Variants in ANKRD44 observed in about 807,000 individuals in gnomAD.
ANKRD44 encodes the protein serine/threonine-protein phosphatase 6 regulatory ankyrin repeat subunit B.
Under a neutral mutation model 116.0 loss-of-function variants are expected in ANKRD44, and 35 were observed. The ratio of observed to expected loss-of-function variants is 0.30; its 90% CI spans 0.23 to 0.40. The LOEUF is 0.40. Among genes scored for constraint, ANKRD44 ranks in the 10% least tolerant of loss-of-function variants. The pLI is 1.00. For missense variants in ANKRD44, 1,014 were observed against 1,242.6 expected, an observed-to-expected ratio of 0.82 and a Z score of 2.77; for synonymous variants, 435 against 461.8, an observed-to-expected ratio of 0.94 and a Z score of 0.74.
At position 196,987,736 on chromosome 2, in the gene ANKRD44, ATAAG is replaced by A. The variant is rs1219739442; in HGVS notation, c.*1851_*1854del. The A allele has an allele frequency of 2.3e-5, 23 of 985,322 alleles. No individual in the cohort carries two copies. The highest frequency in any genetic ancestry group is 5.2e-4 in the Middle Eastern group (1 of 1,936). 61.0% of individuals were successfully genotyped at this position (985,322 alleles called of 1,614,324 possible). On this transcript the variant is annotated 3_prime_UTR_variant, in exon 28 of 28. Transcript: ENST00000282272. The stretch of plus-strand genomic sequence containing the variant: ...AGCAAAGACAGGCAGACACTGGCAA[ATAAG>A]TAAGTGCAATGAAACATGATCCTTG...
intron 1 of ANKRD44, among the ~76,000 whole-genome samples, chr2:197,293,250 C>T (rs1258593234): frequency 3.3e-5 from 5 of 152,216 alleles, no homozygotes; most frequent in Admixed American, 3.3e-4. Context: ...ACATCATTCA[C>T]TTATTCAATA....
intron 1 of ANKRD44, among the ~76,000 whole-genome samples, chr2:197,293,936 C>T (rs2083642904): frequency 6.6e-6 from 1 of 152,180 alleles, no homozygotes; most frequent in Non-Finnish European, 1.5e-5. Context: ...CTAAATATAA[C>T]TGCAGAAATG....
At chr2:197,147,141 A>C in intron 2 of ANKRD44, 36 bp from the exon 3 acceptor site, 1 of 1,591,170 alleles carries the variant, frequency 6.3e-7, no homozygotes, top group Non-Finnish European at 8.6e-7. Context: ...ACAACAGGTC[A>C]GTGGCAGCTG....
At chr2:197,140,953 T>G (rs1264075021) in intron 3 of ANKRD44, among the ~76,000 whole-genome samples, 1 of 152,188 alleles carries the variant, frequency 6.6e-6, no homozygotes, top group East Asian at 1.9e-4. Flanking sequence ...CGGTGGCTCA[T>G]GCCTGTAATC....
At chr2:197,191,894 A>C (rs2080832785) in intron 1 of ANKRD44, among the ~76,000 whole-genome samples, 1 of 152,088 alleles carries the variant, frequency 6.6e-6, no homozygotes, top group Non-Finnish European at 1.5e-5. Context: ...ACTATCTAAA[A>C]CCTACGTGCT....
intron 1 of ANKRD44, among the ~76,000 whole-genome samples, chr2:197,197,009 T>C (rs886896174): frequency 6.6e-5 from 10 of 152,110 alleles, no homozygotes; most frequent in African/African-American, 2.4e-4. Flanking sequence ...CATTCTAAAA[T>C]TGTTATAGCA....
At chr2:197,233,308 T>C (rs1424267890) in intron 1 of ANKRD44, among the ~76,000 whole-genome samples, 2 of 152,228 alleles carry the variant, frequency 1.3e-5, no homozygotes, top group African/African-American at 2.4e-5. Context: ...CGTTTGGTAG[T>C]GTGGTGCCAC....
rs769219164 is a variant in ANKRD44 at position 197,007,917 on chromosome 2, T to C, written c.2019A>G (p.Pro673=). The C allele has an allele frequency of 6.8e-6, 11 of 1,612,046 alleles. No individual in the cohort carries two copies. The highest frequency in any genetic ancestry group is 1.6e-4 in the Middle Eastern group (1 of 6,084). The change falls in exon 20 of 28, where the codon CCA becomes CCG. Residue 673 remains proline, a synonymous_variant. Transcript: ENST00000282272. ...VDVKDAKGQT[P]LMLAVAYGHI... ...GTCCATATGCTACTGCAAGCATCAG[T>C]GGTGTTCTAGGCAGAGAGATAAAGC...
At chr2:197,202,106 C>A (rs1214551180) in intron 1 of ANKRD44, among the ~76,000 whole-genome samples, 2 of 152,304 alleles carry the variant, frequency 1.3e-5, no homozygotes, top group Non-Finnish European at 2.9e-5. Context: ...AGTGGCCTGC[C>A]CAGGCACGCA....
intron 16 of ANKRD44, among the ~76,000 whole-genome samples, chr2:197,069,625 G>T (rs2125090936): frequency 6.6e-6 from 1 of 152,148 alleles, no homozygotes; most frequent in Middle Eastern, 3.4e-3. Context: ...GTCAGGTATT[G>T]ACACAGTAGT....
intron 18 of ANKRD44, among the ~76,000 whole-genome samples, chr2:197,010,403 G>T (rs2076277254): frequency 6.6e-6 from 1 of 151,942 alleles, no homozygotes; most frequent in Admixed American, 6.6e-5. Flanking sequence ...GGCCAGACTG[G>T]GCCTCCCCCT....
intron 4 of ANKRD44, among the ~76,000 whole-genome samples, chr2:197,132,341 A>G (rs1368549431): frequency 6.6e-6 from 1 of 152,058 alleles, no homozygotes; most frequent in African/African-American, 2.4e-5. Context: ...ATTTTAGGAG[A>G]TTTTCAAGAG....
At chr2:197,104,054 A>G (rs2078368553) in intron 9 of ANKRD44, among the ~76,000 whole-genome samples, 1 of 152,244 alleles carries the variant, frequency 6.6e-6, no homozygotes, top group African/African-American at 2.4e-5. Context: ...AATCTTTGCT[A>G]TTAAGAAAAA....
At chr2:197,240,908 G>T (rs564037553) in intron 1 of ANKRD44, among the ~76,000 whole-genome samples, 1 of 151,470 alleles carries the variant, frequency 6.6e-6, no homozygotes, top group Non-Finnish European at 1.5e-5. Context: ...ATGATCAAAG[G>T]CCTCTCCATC....
In ANKRD44 at chr2:197,184,688, C is replaced by G. The variant is rs138424023; in HGVS notation, c.111+2335G>C. 6.2e-3 allele frequency among the ~76,000 whole-genome samples: 929 copies of G among 149,880 alleles called. 6 individuals are homozygous for G. Among genetic ancestry groups the G allele is most frequent in the South Asian group, 0.015 (70 of 4,732 alleles). Reference sequence around the variant, plus strand: ...TCCTTCCATGCTTTTCCTCCATGCTCTTTTTCCCTTTGGGGTGGCAGGACT... The same window carrying G: ...TCCTTCCATGCTTTTCCTCCATGCTGTTTTTCCCTTTGGGGTGGCAGGACT... On this transcript the variant is annotated intron_variant, in intron 2 of 27. Coordinates refer to ENST00000282272, the MANE Select transcript of ANKRD44 (RefSeq NM_001195144.2).
chr2:197,111,423 G>A lies in ANKRD44; in HGVS notation c.907-579C>T, dbSNP rs561731068. Among the ~76,000 whole-genome samples the A allele has an allele frequency of 4.0e-3, 615 of 152,270 alleles. 4 individuals carry two copies. The highest frequency in any genetic ancestry group is 0.016 in the South Asian group (77 of 4,830). Reference sequence around the variant, plus strand: ...TTTGGGAGGCCAAGGCAGGTGGATCGTTTGAGATAGTTCAAGAACAGCCCG... The same window carrying A: ...TTTGGGAGGCCAAGGCAGGTGGATCATTTGAGATAGTTCAAGAACAGCCCG... On this transcript the variant is annotated intron_variant, in intron 8 of 27. Coordinates refer to ENST00000282272, the MANE Select transcript of ANKRD44 (RefSeq NM_001195144.2).
chr2:197,269,333 G>C (rs1329848361), intron 1 of ANKRD44, among the ~76,000 whole-genome samples: 1 of 152,134 alleles, frequency 6.6e-6, no homozygotes, highest in Non-Finnish European at 1.5e-5. Flanking sequence ...GATCCACTAA[G>C]AGAAGCACTC....
chr2:197,115,232 A>C (rs2078680166), intron 8 of ANKRD44, among the ~76,000 whole-genome samples: 1 of 152,182 alleles, frequency 6.6e-6, no homozygotes, highest in Admixed American at 6.5e-5. Flanking sequence ...CTGTCTTTCT[A>C]AGTTGTATCC....
At chr2:197,029,384 C>T in intron 16 of ANKRD44, 1 of 272,200 alleles carries the variant, frequency 3.7e-6, no homozygotes, top group Non-Finnish European at 7.1e-6. Context: ...ATCTGCTTGC[C>T]TGCTGCTTGA....
Sources: allele counts gnomAD v4.1 joint callset (sites outside exome capture counted in the v4.1 genomes callset), GRCh38; gene constraint gnomAD v4.1.1; transcripts MANE v1.5; gene names NCBI Gene and HGNC (gene_info 2026-07-23, HGNC 2026-07-21).